GRIN2A: variants seen among roughly 807,000 people sequenced by gnomAD.
GRIN2A encodes glutamate ionotropic receptor NMDA type subunit 2A.
Under a neutral mutation model 113.4 loss-of-function variants are expected in GRIN2A, and 22 were observed. That is an observed-to-expected ratio of 0.19 (90% CI 0.14 to 0.28). The LOEUF (loss-of-function observed/expected upper bound fraction) is 0.28, where lower values mean the gene tolerates loss of function less well. Among genes scored for constraint, GRIN2A ranks in the 10% least tolerant of loss-of-function variants. The pLI, the probability that GRIN2A is intolerant of heterozygous loss-of-function variation, is 1.00. For synonymous variants in GRIN2A, 827 were observed against 738.4 expected (o/e 1.12, Z -1.94); for missense variants, 1,502 against 1,887.0 (o/e 0.80, Z 3.78).
At chr16:10,134,493 G>A (rs1262961923) in intron 2 of GRIN2A, among the ~76,000 whole-genome samples, 1 of 151,152 alleles carries the variant, frequency 6.6e-6, no homozygotes, top group African/African-American at 2.4e-5. Flanking sequence ...AGGGGGCTGG[G>A]GGAGGGATAG....
At chr16:9,846,596 G>A (rs1227008561) in intron 5 of GRIN2A, among the ~76,000 whole-genome samples, 1 of 152,156 alleles carries the variant, frequency 6.6e-6, no homozygotes, top group African/African-American at 2.4e-5. Context: ...CCTTGTAACT[G>A]AGGGTGCAAA....
intron 2 of GRIN2A, among the ~76,000 whole-genome samples, chr16:10,123,279 C>T (rs961708431): frequency 2.6e-5 from 4 of 152,160 alleles, no homozygotes; most frequent in Non-Finnish European, 4.4e-5. Context: ...GCTCGGGGCT[C>T]CCTGCGTACT....
chr16:10,094,090 G>T lies in GRIN2A; in HGVS notation c.414+85908C>A, dbSNP rs112142156. Among the ~76,000 whole-genome samples, 154 of 152,134 alleles carry T rather than the reference G, an allele frequency of 1.0e-3. 2 individuals are homozygous for T. The highest frequency in any genetic ancestry group is 3.9e-4 in the Admixed American group (6 of 15,270). ...TCAGAAAAATAATCTGAGGCCCCAA[G>T]GTTTCATGGAGCAGTTACTCTCTGC... On this transcript the variant is annotated intron_variant, in intron 2 of 12. Transcript: ENST00000330684.
intron 2 of GRIN2A, among the ~76,000 whole-genome samples, chr16:10,130,735 G>C (rs1167316450): frequency 6.6e-6 from 1 of 152,154 alleles, no homozygotes; most frequent in Non-Finnish European, 1.5e-5. Context: ...CGCTTCTCCT[G>C]CAACTTCTCG....
intron 2 of GRIN2A, among the ~76,000 whole-genome samples, chr16:10,152,862 A>G (rs576953802): frequency 4.4e-4 from 67 of 152,350 alleles, no homozygotes; most frequent in African/African-American, 1.6e-3. Context: ...GTATGATTCC[A>G]ACTATATGAC....
At chr16:9,873,392 C>T (rs1428897292) in intron 4 of GRIN2A, among the ~76,000 whole-genome samples, 1 of 152,120 alleles carries the variant, frequency 6.6e-6, no homozygotes, top group Non-Finnish European at 1.5e-5. Context: ...ATTCAAGTCA[C>T]CAACCTGAAT....
rs536235196 is a variant in GRIN2A at position 9,761,016 on chromosome 16, C to T, written c.*2133G>A. The T allele has an allele frequency of 2.2e-5, 5 of 232,532 alleles. No homozygotes were observed. Among genetic ancestry groups the T allele is most frequent in the Admixed American group, 1.1e-4 (2 of 17,760 alleles). The allele number at this position is 232,532 out of a possible 1,614,324, so 14.4% of individuals were successfully genotyped here. On this transcript the variant is annotated 3_prime_UTR_variant, in exon 13 of 13. Transcript: ENST00000330684. ...CTTGGGGCAGCAGAGGTACAGCATC[C>T]GGGAAATAAAATGTCATTTTCAAGC... is the stretch of plus-strand genomic sequence containing the variant.
At chr16:9,992,370 G>T (rs748871640) in intron 2 of GRIN2A, among the ~76,000 whole-genome samples, 24 of 152,182 alleles carry the variant, frequency 1.6e-4, no homozygotes, top group Admixed American at 1.3e-4. Flanking sequence ...ATGGAACAGG[G>T]AAGACAGATT....
At chr16:9,932,230 C>A (rs1397873075) in intron 3 of GRIN2A, among the ~76,000 whole-genome samples, 5 of 152,158 alleles carry the variant, frequency 3.3e-5, no homozygotes, top group Admixed American at 6.5e-5. Context: ...CACATGATGG[C>A]CTTTTTGTGT....
intron 2 of GRIN2A, among the ~76,000 whole-genome samples, chr16:10,154,816 A>G (rs1465090835): frequency 1.3e-5 from 2 of 152,204 alleles, no homozygotes; most frequent in Non-Finnish European, 2.9e-5. Flanking sequence ...AGTGCCAGAA[A>G]ATGTGAAAGA....
At chr16:10,113,221 G>A (rs1261335843) in intron 2 of GRIN2A, among the ~76,000 whole-genome samples, 1 of 152,016 alleles carries the variant, frequency 6.6e-6, no homozygotes, top group East Asian at 1.9e-4. Context: ...GGCTTCTCCT[G>A]TAGGGTACCT....
At chr16:10,036,187 A>T (rs2047021680) in intron 2 of GRIN2A, among the ~76,000 whole-genome samples, 1 of 152,106 alleles carries the variant, frequency 6.6e-6, no homozygotes. Flanking sequence ...ACTTTGTGTG[A>T]TTGGTATTAG....
intron 4 of GRIN2A, among the ~76,000 whole-genome samples, chr16:9,878,692 C>A (rs541053100): frequency 1.3e-5 from 2 of 152,260 alleles, no homozygotes; most frequent in African/African-American, 2.4e-5. Context: ...TTTCTATGAA[C>A]TGCATTTTTT....
chr16:10,154,297 G>A (rs1167857343), intron 2 of GRIN2A, among the ~76,000 whole-genome samples: 4 of 152,146 alleles, frequency 2.6e-5, no homozygotes, highest in Middle Eastern at 3.2e-3. Context: ...ATTGTTATAA[G>A]CCATTAAGAT....
intron 10 of GRIN2A, among the ~76,000 whole-genome samples, chr16:9,802,725 T>C (rs904830600): frequency 6.6e-6 from 1 of 152,208 alleles, no homozygotes; most frequent in Non-Finnish European, 1.5e-5. Flanking sequence ...CACTGTCCAA[T>C]AGAACTTTCT....
At chr16:9,993,134 G>A (rs1164565628) in intron 2 of GRIN2A, among the ~76,000 whole-genome samples, 1 of 152,154 alleles carries the variant, frequency 6.6e-6, no homozygotes, top group African/African-American at 2.4e-5. Flanking sequence ...TCGGGAGGCT[G>A]AGGCCCAAGA....
intron 11 of GRIN2A, among the ~76,000 whole-genome samples, chr16:9,771,844 T>C (rs9941043): frequency 0.053 from 8,136 of 152,258 alleles, 563 homozygotes; most frequent in African/African-American, 0.16. Flanking sequence ...TTAAGTAGCA[T>C]ACATTTGAAC....
chr16:10,110,312 C>G (rs74006707), intron 2 of GRIN2A, among the ~76,000 whole-genome samples: 1 of 151,788 alleles, frequency 6.6e-6, no homozygotes, highest in African/African-American at 2.4e-5. Context: ...ATGGATGAGA[C>G]TGGAGAATAG....
intron 2 of GRIN2A, chr16:10,112,672 G>A (rs1331276704): frequency 5.3e-6 from 4 of 759,036 alleles, no homozygotes; most frequent in Non-Finnish European, 7.3e-6. Context: ...CGATACTTCA[G>A]CGAGGGGGAA....
Sources: allele counts gnomAD v4.1 joint callset (sites outside exome capture counted in the v4.1 genomes callset), GRCh38; gene constraint gnomAD v4.1.1; transcripts MANE v1.5; gene names NCBI Gene and HGNC (gene_info 2026-07-23, HGNC 2026-07-21).